Variants in COL17A1 observed in about 807,000 individuals in gnomAD.
COL17A1 encodes collagen alpha-1(XVII) chain.
Under a neutral mutation model 218.4 loss-of-function variants are expected in COL17A1, and 181 were observed. That is an observed-to-expected ratio of 0.83 (90% CI 0.73 to 0.94). The LOEUF is 0.94. Among genes scored for constraint, COL17A1 ranks in the 40% least tolerant of loss-of-function variants. The pLI, the probability that COL17A1 is intolerant of heterozygous loss-of-function variation, is 0.00. For missense variants in COL17A1, 1,924 were observed against 1,945.9 expected (o/e 0.99, Z 0.21); for synonymous variants, 721 against 731.0 (o/e 0.99, Z 0.22).
rs2086274822 is a variant in COL17A1 at position 104,035,778 on chromosome 10, C to CTCTGTG, written c.3419-216_3419-215insCACAGA. On this transcript the variant is annotated intron_variant, in intron 48 of 55. Transcript: ENST00000648076. ...GTCCAGTGTGCCTGTGTGCTTCATT[C>CTCTGTG]TGTGTGTGTGTGTGTATGAGTATGT... 7.4e-5 allele frequency among the ~76,000 whole-genome samples: 5 copies of CTCTGTG among 67,126 alleles called. No homozygotes were observed. In the South Asian group the frequency reaches 2.4e-3, roughly 32 times the overall value. The allele number at this position is 67,126 out of a possible 152,430, so 44.0% of individuals were successfully genotyped here.
intron 48 of COL17A1, 44 bp downstream of exon 48, chr10:104,036,448 G>A (rs761010368): frequency 6.2e-7 from 1 of 1,612,972 alleles, no homozygotes; most frequent in South Asian, 1.1e-5. Flanking sequence ...CCTCATCCCA[G>A]TCATCCCAGG....
In COL17A1 at chr10:104,054,965, C is replaced by G. The variant is rs549994082; in HGVS notation, c.1744+16G>C. 2 of 1,614,060 alleles carry G rather than the reference C, an allele frequency of 1.2e-6. No individual in the cohort carries two copies. The highest frequency in any genetic ancestry group is 2.2e-5 in the East Asian group (1 of 44,882). On this transcript the variant is annotated intron_variant, in intron 20 of 55. Coordinates refer to ENST00000648076, the MANE Select transcript of COL17A1 (RefSeq NM_000494.4). Reference sequence around the variant, plus strand: ...CTTGCTAATATTTAAGGTAAAAATGCCCATGTTATAATTACCTTTAGGGCC... The same window carrying G: ...CTTGCTAATATTTAAGGTAAAAATGGCCATGTTATAATTACCTTTAGGGCC...
intron 18 of COL17A1, among the ~76,000 whole-genome samples, 160 bp from the exon 19 acceptor site, chr10:104,055,561 T>G (rs1043748254): frequency 6.6e-6 from 1 of 151,942 alleles, no homozygotes; most frequent in Non-Finnish European, 1.5e-5. Flanking sequence ...AGTCCAGTGA[T>G]CTTGAGCAAT....
In COL17A1 at chr10:104,051,578, C is replaced by T. The variant is rs1481893983; in HGVS notation, c.2003-62G>A. On this transcript the variant is annotated intron_variant, in intron 24 of 55. Coordinates refer to ENST00000648076, the MANE Select transcript of COL17A1 (RefSeq NM_000494.4). ...CAGATACAGGTGGGGACATCTGGCC[C>T]CGGTGCAGGGCAGGTGGGGGTTAGG... is the stretch of plus-strand genomic sequence containing the variant. 15 of 1,604,514 alleles carry T rather than the reference C, an allele frequency of 9.3e-6. No homozygotes were observed. The Admixed American group carries it at 2.5e-4, about 27-fold the overall frequency.
chr10:104,057,850 A>C (rs1564680269), intron 16 of COL17A1, among the ~76,000 whole-genome samples: 1 of 151,826 alleles, frequency 6.6e-6, no homozygotes, highest in Non-Finnish European at 1.5e-5. Context: ...AGACACAGTC[A>C]CCCTGTTGTG....
chr10:104,040,218 G>A (rs2086344963), intron 40 of COL17A1, 133 bp downstream of exon 40: 5 of 917,610 alleles, frequency 5.4e-6, no homozygotes, highest in South Asian at 5.2e-5. Context: ...AGGCTGCTGA[G>A]TTCCTAATGG....
At position 104,058,140 on chromosome 10, in the gene COL17A1, A is replaced by G. The variant is rs2086548953; in HGVS notation, c.1267+6T>C. 6.2e-7 allele frequency: 1 copy of G among 1,614,128 alleles called. No individual in the cohort carries two copies. Among genetic ancestry groups the G allele is most frequent in the Non-Finnish European group, 8.5e-7 (1 of 1,180,028 alleles). ...TGTCACTGCAGGGTTCGCGGTTCTCACCCACCTGCAGTGGTGGTCTTGCCC... is the reference window on the plus strand; with the variant it reads ...TGTCACTGCAGGGTTCGCGGTTCTCGCCCACCTGCAGTGGTGGTCTTGCCC... On this transcript the variant is annotated splice_donor_region_variant and intron_variant, in intron 16 of 55. Coordinates refer to ENST00000648076, the MANE Select transcript of COL17A1 (RefSeq NM_000494.4).
chr10:104,082,646 G>A (rs1353364257), intron 1 of COL17A1, among the ~76,000 whole-genome samples: 6 of 152,164 alleles, frequency 3.9e-5, no homozygotes, highest in Non-Finnish European at 8.8e-5. Context: ...GCTGCTGACA[G>A]CTATACATTT....
At chr10:104,034,396 G>A (rs2086252434) in intron 51 of COL17A1, 62 bp from the exon 52 acceptor site, 32 of 1,517,548 alleles carry the variant, frequency 2.1e-5, no homozygotes, top group Non-Finnish European at 2.8e-5. Context: ...AGACTTGGGA[G>A]TTAGGGAGTC....
chr10:104,046,655 G>A (rs1432795122), intron 32 of COL17A1, 92 bp downstream of exon 32: 2 of 1,284,352 alleles, frequency 1.6e-6, no homozygotes, highest in African/African-American at 1.5e-5. Context: ...TGGAGGAGAG[G>A]AAACTCTGGT....
At chr10:104,080,160 A>C (rs1400240119) in intron 2 of COL17A1, among the ~76,000 whole-genome samples, 1 of 152,094 alleles carries the variant, frequency 6.6e-6, no homozygotes, top group Non-Finnish European at 1.5e-5. Flanking sequence ...CCTGACTTAG[A>C]GTTGGTAGGA....
chr10:104,077,240 A>G (rs577393183), intron 4 of COL17A1, among the ~76,000 whole-genome samples, 182 bp downstream of exon 4: 2 of 152,288 alleles, frequency 1.3e-5, no homozygotes, highest in Admixed American at 6.5e-5. Context: ...CTGCTGCCCA[A>G]TAGCTGTGTG....
intron 27 of COL17A1, 102 bp from the exon 28 acceptor site, chr10:104,050,226 A>G: frequency 1.3e-6 from 2 of 1,523,484 alleles, no homozygotes; most frequent in South Asian, 1.2e-5. Flanking sequence ...TTCTCACTGT[A>G]TCCGTGAACT....
intron 8 of COL17A1, among the ~76,000 whole-genome samples, chr10:104,071,201 G>A (rs989896531): frequency 2.6e-5 from 4 of 152,128 alleles, no homozygotes; most frequent in African/African-American, 7.2e-5. Context: ...CATGGGGAGT[G>A]CATGAGAGGA....
chr10:104,052,040 G>T, intron 24 of COL17A1, 115 bp downstream of exon 24: 2 of 1,415,064 alleles, frequency 1.4e-6, no homozygotes, highest in Non-Finnish European at 2.0e-6. Context: ...CCCTGCACAG[G>T]CCTGGGGCAG....
In COL17A1 at chr10:104,039,687, C is replaced by G. The variant is rs1446064295; in HGVS notation, c.2789-47G>C. 13 of 1,613,068 alleles carry G rather than the reference C, an allele frequency of 8.1e-6. No individual in the cohort carries two copies. The African/African-American group carries it at 9.4e-5, about 12-fold the overall frequency. On this transcript the variant is annotated intron_variant, in intron 41 of 55. Coordinates refer to ENST00000648076, the MANE Select transcript of COL17A1 (RefSeq NM_000494.4). ...GGACAGTCAGCCTCACTTTTCTCACCCACTAACAGCCCTGTAGAGCCTCCC... is the reference window on the plus strand; with the variant it reads ...GGACAGTCAGCCTCACTTTTCTCACGCACTAACAGCCCTGTAGAGCCTCCC...
rs536404506 is a variant in COL17A1, at chr10:104,033,613, G to A, written c.4157-238C>T. On this transcript the variant is annotated intron_variant, in intron 52 of 55. Transcript: ENST00000648076. The stretch of plus-strand genomic sequence containing the variant: ...GCGTAACTGTGCCGTTAAGCTGCGC[G>A]GGGAAAGGACTCTTAGCCAACATCC... Among the ~76,000 whole-genome samples, 40 of 152,296 alleles carry A rather than the reference G, an allele frequency of 2.6e-4. No individual in the cohort carries two copies. In the South Asian group the frequency reaches 5.0e-3, roughly 19 times the overall value.
At chr10:104,083,361 C>T (rs2086781309) in intron 1 of COL17A1, among the ~76,000 whole-genome samples, 2 of 152,180 alleles carry the variant, frequency 1.3e-5, no homozygotes, top group South Asian at 4.1e-4. Flanking sequence ...TGTCAAATAA[C>T]ATAATTTTTA....
At chr10:104,047,910 T>C (rs539592668) in intron 30 of COL17A1, 100 bp from the exon 31 acceptor site, 2 of 1,394,028 alleles carry the variant, frequency 1.4e-6, no homozygotes, top group African/African-American at 2.8e-5. Flanking sequence ...CCTAATTGAC[T>C]TGCTGGCAGG....
Sources: gnomAD v4.1 joint callset for allele counts (sites outside exome capture counted in the v4.1 genomes callset) on GRCh38, gnomAD v4.1.1 for gene constraint, MANE v1.5 for transcripts, NCBI Gene and HGNC (gene_info 2026-07-23, HGNC 2026-07-21) for gene names.